TNKS: variants seen among roughly 807,000 people sequenced by gnomAD.
TNKS encodes poly [ADP-ribose] polymerase tankyrase-1.
In TNKS, 72 loss-of-function variants were observed where a neutral mutation model predicts 135.8. The observed-to-expected ratio is 0.53, with a 90% CI of 0.44 to 0.64. TNKS has a LOEUF of 0.64. Ranked by LOEUF, TNKS falls within the 30% of genes least tolerant of loss-of-function variation. TNKS has a pLI of 0.00. For synonymous variants in TNKS, 849 were observed against 649.3 expected, an observed-to-expected ratio of 1.31 and a Z score of -4.68; for missense variants, 1,769 against 1,674.0, an observed-to-expected ratio of 1.06 and a Z score of -0.99.
intron 2 of TNKS, among the ~76,000 whole-genome samples, chr8:9,590,653 T>A (rs372374856): frequency 5.9e-5 from 9 of 152,296 alleles, no homozygotes; most frequent in African/African-American, 2.2e-4. Context: ...TTTAATTGCA[T>A]TTGCCTGATA....
At chr8:9,673,403 A>T (rs1802391688) in intron 3 of TNKS, among the ~76,000 whole-genome samples, 1 of 151,632 alleles carries the variant, frequency 6.6e-6, no homozygotes, top group African/African-American at 2.4e-5. Flanking sequence ...ATTTTAATAT[A>T]GGATAATAGA....
chr8:9,747,296 C>G (rs1806288168), intron 17 of TNKS, among the ~76,000 whole-genome samples: 1 of 138,596 alleles, frequency 7.2e-6, no homozygotes, highest in Non-Finnish European at 1.6e-5. Context: ...TTTGACTTTT[C>G]TCTCTCTCTC....
At chr8:9,560,576 A>G (rs1324022748) in intron 1 of TNKS, among the ~76,000 whole-genome samples, 1 of 133,460 alleles carries the variant, frequency 7.5e-6, no homozygotes, top group African/African-American at 2.9e-5. Flanking sequence ...AAGTCACCAT[A>G]TACTCTAGAT....
chr8:9,627,923 G>C (rs1223906311), intron 3 of TNKS, among the ~76,000 whole-genome samples: 2 of 151,632 alleles, frequency 1.3e-5, no homozygotes, highest in Non-Finnish European at 2.9e-5. Context: ...AGAACTTATT[G>C]CTATCACCAA....
intron 16 of TNKS, 89 bp from the exon 17 acceptor site, chr8:9,735,288 C>T: frequency 7.7e-7 from 1 of 1,292,730 alleles, no homozygotes; most frequent in Non-Finnish European, 1.1e-6. Context: ...AGTATTAAAA[C>T]CTTAACATTT....
intron 26 of TNKS, among the ~76,000 whole-genome samples, chr8:9,774,407 T>C (rs1808111207): frequency 6.6e-6 from 1 of 152,226 alleles, no homozygotes; most frequent in Non-Finnish European, 1.5e-5. Context: ...ATTCAAATTT[T>C]AGTGTTAGGG....
In TNKS at chr8:9,672,571, C is replaced by T. The variant is rs191348680; in HGVS notation, c.995-7380C>T. Among the ~76,000 whole-genome samples the T allele has an allele frequency of 4.7e-5, 7 of 148,194 alleles. No homozygotes were observed. In the Admixed American group the frequency reaches 4.7e-4, roughly 10 times the overall value. The stretch of plus-strand genomic sequence containing the variant: ...TGTGATATAGAACAAAATGTAAAAA[C>T]TATTGCCAAGTTGTTTTGGATCAAA... On this transcript the variant is annotated intron_variant, in intron 3 of 26. Transcript: ENST00000310430.
In TNKS at chr8:9,667,337, G is replaced by A. The variant is rs559967172; in HGVS notation, c.995-12614G>A. ...AACTCTCAGGATATATGAACAAAGCGTATTGTGATTTATAGGAACCAGGCC... is the reference window on the plus strand; with the variant it reads ...AACTCTCAGGATATATGAACAAAGCATATTGTGATTTATAGGAACCAGGCC... On this transcript the variant is annotated intron_variant, in intron 3 of 26. Coordinates refer to ENST00000310430, the MANE Select transcript of TNKS (RefSeq NM_003747.3). Among the ~76,000 whole-genome samples, 8 of 152,320 alleles carry A rather than the reference G, an allele frequency of 5.3e-5. 1 individual carries two copies. The highest frequency in any genetic ancestry group is 1.7e-4 in the African/African-American group (7 of 41,578).
At chr8:9,573,848 T>C (rs1300071515) in intron 1 of TNKS, among the ~76,000 whole-genome samples, 2 of 152,186 alleles carry the variant, frequency 1.3e-5, no homozygotes, top group South Asian at 4.1e-4. Flanking sequence ...TTAAAAATAT[T>C]CCAAACACCT....
intron 3 of TNKS, among the ~76,000 whole-genome samples, chr8:9,622,509 A>G (rs979720930): frequency 1.3e-5 from 2 of 152,198 alleles, no homozygotes; most frequent in Non-Finnish European, 1.5e-5. Context: ...TCACAGAACC[A>G]TCAAGGGAAA....
chr8:9,663,196 T>C (rs148271331), intron 3 of TNKS, among the ~76,000 whole-genome samples: 164 of 152,356 alleles, frequency 1.1e-3, no homozygotes, highest in African/African-American at 3.8e-3. Flanking sequence ...TTTAGACTTA[T>C]GACCTCCAGA....
At chr8:9,768,281 A>C (rs1807589168) in intron 25 of TNKS, among the ~76,000 whole-genome samples, 2 of 152,232 alleles carry the variant, frequency 1.3e-5, no homozygotes, top group Non-Finnish European at 2.9e-5. Flanking sequence ...ACAGCAGAGC[A>C]ACCGCAGTGA....
chr8:9,607,272 T>C (rs1585223662), intron 2 of TNKS, among the ~76,000 whole-genome samples: 1 of 152,222 alleles, frequency 6.6e-6, no homozygotes, highest in South Asian at 2.1e-4. Flanking sequence ...GTTATTCATA[T>C]TTGACTTAAT....
rs372980288 is a variant in TNKS, at chr8:9,661,215, C to G, written c.995-18736C>G. Reference sequence around the variant, plus strand: ...ATCAAGCTACCAATGACTTTCTTCACAGAATTGGAAACAACTACTTTAAAG... The same window carrying G: ...ATCAAGCTACCAATGACTTTCTTCAGAGAATTGGAAACAACTACTTTAAAG... On this transcript the variant is annotated intron_variant, in intron 3 of 26. Transcript: ENST00000310430. Among the ~76,000 whole-genome samples the G allele has an allele frequency of 5.9e-5, 9 of 152,062 alleles. No homozygotes were observed. In the East Asian group the frequency reaches 1.6e-3, roughly 26 times the overall value.
intron 2 of TNKS, among the ~76,000 whole-genome samples, chr8:9,589,959 T>C (rs1025479511): frequency 6.6e-6 from 1 of 152,224 alleles, no homozygotes; most frequent in African/African-American, 2.4e-5. Context: ...ATGTGCATGC[T>C]CCATTCATTG....
chr8:9,578,797 A>G (rs891997772), intron 1 of TNKS, among the ~76,000 whole-genome samples: 1 of 152,228 alleles, frequency 6.6e-6, no homozygotes, highest in African/African-American at 2.4e-5. Flanking sequence ...TACCTAGTTA[A>G]TAAGACCTAA....
chr8:9,623,076 A>T (rs367607277), intron 3 of TNKS, among the ~76,000 whole-genome samples: 2 of 152,340 alleles, frequency 1.3e-5, no homozygotes, highest in East Asian at 3.9e-4. Flanking sequence ...GTCTCACAAT[A>T]TCTAATTGTA....
chr8:9,592,090 ATAAT>A (rs1278526405), intron 2 of TNKS, among the ~76,000 whole-genome samples: 3 of 152,214 alleles, frequency 2.0e-5, no homozygotes, highest in African/African-American at 7.2e-5. Context: ...TAATTAGAAA[ATAAT>A]TATCTAAAAT....
At chr8:9,616,137 A>G (rs1259303392) in intron 3 of TNKS, among the ~76,000 whole-genome samples, 1 of 152,148 alleles carries the variant, frequency 6.6e-6, no homozygotes, top group Non-Finnish European at 1.5e-5. Context: ...TTATACTTTA[A>G]TCATATGTTT....
Sources: allele counts gnomAD v4.1 joint callset (sites outside exome capture counted in the v4.1 genomes callset), GRCh38; gene constraint gnomAD v4.1.1; transcripts MANE v1.5; gene names NCBI Gene and HGNC (gene_info 2026-07-23, HGNC 2026-07-21).